The following NEK6 variants were observed in gnomAD, a reference collection of about 807,000 sequenced individuals.
NEK6 encodes the protein NIMA related kinase 6.
In NEK6, 27 loss-of-function variants were observed where a neutral mutation model predicts 43.5. The observed-to-expected ratio is 0.62, with a 90% CI of 0.46 to 0.86. NEK6 has a LOEUF of 0.86. Among genes scored for constraint, NEK6 ranks in the 40% least tolerant of loss-of-function variants. NEK6 has a pLI of 0.00. For synonymous variants in NEK6, 167 were observed against 164.1 expected, an observed-to-expected ratio of 1.02 and a Z score of -0.14; for missense variants, 318 against 414.4, an observed-to-expected ratio of 0.77 and a Z score of 2.02.
At chr9:124,337,511 A>C (rs762923641) in intron 7 of NEK6, among the ~76,000 whole-genome samples, 13 of 152,248 alleles carry the variant, frequency 8.5e-5, no homozygotes, top group Non-Finnish European at 1.8e-4. Flanking sequence ...AATGAAATAC[A>C]ATAATGTGCT....
chr9:124,292,609 C>CA (rs1373810024), intron 1 of NEK6: 1 of 1,521,060 alleles, frequency 6.6e-7, no homozygotes, highest in Non-Finnish European at 8.8e-7. Context: ...CTTCCACTGT[C>CA]AGTCAGCAGG....
At chr9:124,257,835 G>T, upstream of NEK6, 1 of 1,115,702 alleles carries the variant, frequency 9.0e-7, no homozygotes, top group Non-Finnish European at 1.1e-6. Context: ...GAAGGACGCC[G>T]CCGGGGCGCC....
intron 8 of NEK6, among the ~76,000 whole-genome samples, chr9:124,342,915 C>T (rs903747389): frequency 5.9e-5 from 9 of 152,242 alleles, no homozygotes; most frequent in African/African-American, 2.2e-4. Flanking sequence ...AGGCCAGCAG[C>T]TGGCTCCCTC....
At chr9:124,273,928 A>G (rs919949662) in intron 1 of NEK6, among the ~76,000 whole-genome samples, 1 of 152,100 alleles carries the variant, frequency 6.6e-6, no homozygotes, top group African/African-American at 2.4e-5. Flanking sequence ...TTCCAGCAAC[A>G]CTTTCCTTCC....
chr9:124,279,427 G>A (rs1354081024), intron 1 of NEK6, among the ~76,000 whole-genome samples: 2 of 150,496 alleles, frequency 1.3e-5, no homozygotes, highest in African/African-American at 2.5e-5. Flanking sequence ...TCAGCCACCC[G>A]AGTAGCTGGG....
intron 1 of NEK6, chr9:124,258,307 C>T (rs1333438389): frequency 4.1e-6 from 4 of 985,230 alleles, no homozygotes; most frequent in East Asian, 1.1e-4. Context: ...CCGGGGTGTG[C>T]GCGTCCCCGG....
At chr9:124,294,259 G>A (rs1456785429) in intron 1 of NEK6, among the ~76,000 whole-genome samples, 1 of 152,164 alleles carries the variant, frequency 6.6e-6, no homozygotes, top group African/African-American at 2.4e-5. Context: ...TCAGCTACTC[G>A]GGAGCCTGAG....
chr9:124,284,595 T>G (rs1564621680), intron 1 of NEK6, among the ~76,000 whole-genome samples: 4 of 152,202 alleles, frequency 2.6e-5, no homozygotes. Context: ...TCCAGTGTCT[T>G]AAAAAGGCAG....
At position 124,313,503 on chromosome 9, in the gene NEK6, G is replaced by A. The variant is rs191171681; in HGVS notation, c.232-420G>A. The stretch of plus-strand genomic sequence containing the variant: ...CTGCCTAGGTCTCTTGAGTAGCTGG[G>A]ACTACAGGCGTGCACCACCACACCC... On this transcript the variant is annotated intron_variant, in intron 3 of 9. Coordinates refer to ENST00000320246, the MANE Select transcript of NEK6 (RefSeq NM_014397.6). Among the ~76,000 whole-genome samples the A allele has an allele frequency of 5.3e-5, 8 of 152,242 alleles. No individual in the cohort carries two copies. The East Asian group carries it at 1.5e-3, about 29-fold the overall frequency.
chr9:124,339,891 G>A (rs1481871412), intron 8 of NEK6, among the ~76,000 whole-genome samples: 1 of 102,030 alleles, frequency 9.8e-6, no homozygotes, highest in Non-Finnish European at 2.1e-5. Context: ...ACAGCAGTGG[G>A]CGGGGTCCAG....
chr9:124,262,163 T>G (rs1831057530), intron 1 of NEK6, among the ~76,000 whole-genome samples: 2 of 152,174 alleles, frequency 1.3e-5, no homozygotes, highest in South Asian at 4.1e-4. Context: ...TATTTGGCTG[T>G]CTTTTCACTT....
chr9:124,258,416 G>A (rs866897490), intron 1 of NEK6: 1 of 908,364 alleles, frequency 1.1e-6, no homozygotes, highest in Non-Finnish European at 1.3e-6. Flanking sequence ...TCCCGAGTGG[G>A]GACGACGGGC....
chr9:124,291,212 G>A (rs892902867), intron 1 of NEK6, among the ~76,000 whole-genome samples: 7 of 152,204 alleles, frequency 4.6e-5, no homozygotes, highest in Non-Finnish European at 1.0e-4. Context: ...GCACACAACT[G>A]GGACGTGGCT....
intron 1 of NEK6, among the ~76,000 whole-genome samples, chr9:124,265,305 C>T (rs1412390307): frequency 1.3e-5 from 2 of 152,188 alleles, no homozygotes; most frequent in African/African-American, 2.4e-5. Context: ...AGGCGGATCA[C>T]GAGCTCAGGA....
At chr9:124,305,581 G>T (rs1046655617) in intron 2 of NEK6, among the ~76,000 whole-genome samples, 1 of 150,582 alleles carries the variant, frequency 6.6e-6, no homozygotes, top group African/African-American at 2.4e-5. Flanking sequence ...AAAAAGAAAA[G>T]AAATTCAGTG....
intron 1 of NEK6, chr9:124,265,591 G>A (rs1831199561): frequency 6.6e-6 from 1 of 152,140 alleles, no homozygotes; most frequent in Non-Finnish European, 1.5e-5. Flanking sequence ...TGGCGACACT[G>A]AGGCCCAGAG....
At chr9:124,319,506 A>G (rs577948022) in intron 4 of NEK6, among the ~76,000 whole-genome samples, 2 of 152,232 alleles carry the variant, frequency 1.3e-5, no homozygotes, top group South Asian at 4.1e-4. Flanking sequence ...GTTTTTAAGG[A>G]CTTGGTCTTA....
intron 1 of NEK6, chr9:124,265,724 A>C (rs1831205696): frequency 6.6e-6 from 1 of 152,252 alleles, no homozygotes; most frequent in African/African-American, 2.4e-5. Context: ...CTGCGGGTGA[A>C]AAGTTTTGAT....
At chr9:124,340,375 C>T (rs1588540558) in intron 8 of NEK6, among the ~76,000 whole-genome samples, 1 of 152,308 alleles carries the variant, frequency 6.6e-6, no homozygotes, top group East Asian at 1.9e-4. Context: ...CAGCCACCGG[C>T]AGGAGGGAGG....
Sources: allele counts gnomAD v4.1 joint callset (sites outside exome capture counted in the v4.1 genomes callset), GRCh38; gene constraint gnomAD v4.1.1; transcripts MANE v1.5; gene names NCBI Gene and HGNC (gene_info 2026-07-23, HGNC 2026-07-21).